The following ASH2L variants were observed in gnomAD, a reference collection of about 807,000 sequenced individuals.
ASH2L encodes the protein set1/Ash2 histone methyltransferase complex subunit ASH2.
ASH2L carries 30 observed loss-of-function variants against 81.1 expected under a neutral mutation model. That is an observed-to-expected ratio of 0.37 (90% CI 0.28 to 0.50). The LOEUF (loss-of-function observed/expected upper bound fraction) is 0.50. Ranked by LOEUF, ASH2L falls within the 20% of genes least tolerant of loss-of-function variation. The pLI is 0.95. For missense variants in ASH2L, 559 were observed against 792.1 expected (o/e 0.71, Z 3.53); for synonymous variants, 273 against 279.9 (o/e 0.98, Z 0.24).
intron 10 of ASH2L, among the ~76,000 whole-genome samples, chr8:38,126,154 G>C (rs1230885113): frequency 6.6e-6 from 1 of 151,816 alleles, no homozygotes; most frequent in Non-Finnish European, 1.5e-5. Flanking sequence ...AGTGAGCCGA[G>C]GTTGCACCAT....
rs1399747104 is a variant in ASH2L, at chr8:38,139,346, C to T, written c.*275C>T. On this transcript the variant is annotated 3_prime_UTR_variant, in exon 16 of 16. Coordinates refer to ENST00000343823, the MANE Select transcript of ASH2L (RefSeq NM_004674.5). ...TGTGAAATCGGTGCTGTACTGCATA[C>T]CCTGCCAGCTGTGACTTGTTATCCT... 1 of 313,778 alleles carries T rather than the reference C, an allele frequency of 3.2e-6. No homozygotes were observed. The highest frequency in any genetic ancestry group is 5.9e-6 in the Non-Finnish European group (1 of 170,736). The allele number at this position is 313,778 out of a possible 1,614,324, so 19.4% of individuals were successfully genotyped here. A position where few individuals can be genotyped will look rare whatever the true frequency, so the allele number is the denominator to read the frequency against.
rs1802141004 is a variant in ASH2L, at chr8:38,133,447, T to G, written c.1528-7T>G. 1 of 1,597,826 alleles carries G rather than the reference T, an allele frequency of 6.3e-7. No homozygotes were observed. Reference sequence around the variant, plus strand: ...ATTGTGCCTTTTTTTCTTTCTTGGTTTTCAAGGCTTTGATAAAATTCAAGA... The same window carrying G: ...ATTGTGCCTTTTTTTCTTTCTTGGTGTTCAAGGCTTTGATAAAATTCAAGA... On this transcript the variant is annotated splice_region_variant and splice_polypyrimidine_tract_variant and intron_variant, in intron 12 of 15. Coordinates refer to ENST00000343823, the MANE Select transcript of ASH2L (RefSeq NM_004674.5).
chr8:38,122,024 T>G (rs1359023400), intron 10 of ASH2L, among the ~76,000 whole-genome samples: 1 of 152,244 alleles, frequency 6.6e-6, no homozygotes, highest in African/African-American at 2.4e-5. Context: ...GCAACAATTA[T>G]GACTGTGTTG....
chr8:38,119,234 G>A, intron 8 of ASH2L, 36 bp from the exon 9 acceptor site: 1 of 1,534,494 alleles, frequency 6.5e-7, no homozygotes, highest in Non-Finnish European at 8.8e-7. Context: ...TGTTTCCCTT[G>A]TGGCTCATTG....
At chr8:38,137,105 AG>A (rs1563263843) in intron 14 of ASH2L, among the ~76,000 whole-genome samples, 1 of 148,850 alleles carries the variant, frequency 6.7e-6, no homozygotes, top group Non-Finnish European at 1.5e-5. Flanking sequence ...AAAAAAAAAA[AG>A]GGCGGGGGTG....
At position 38,139,747 on chromosome 8, in the gene ASH2L, AG is replaced by A. The variant is rs1249092120; in HGVS notation, c.*677del. On this transcript the variant is annotated 3_prime_UTR_variant, in exon 16 of 16. Coordinates refer to ENST00000343823, the MANE Select transcript of ASH2L (RefSeq NM_004674.5). ...TTCAGATTGGGTGCCTCTTGGTGACAGTGTTCAGAAATGTAAGCAGCACGAG... is the reference window on the plus strand; with the variant it reads ...TTCAGATTGGGTGCCTCTTGGTGACATGTTCAGAAATGTAAGCAGCACGAG... 1 of 152,102 alleles carries A rather than the reference AG, an allele frequency of 6.6e-6. No homozygotes were observed. Among genetic ancestry groups the A allele is most frequent in the Non-Finnish European group, 1.5e-5 (1 of 68,000 alleles). The allele number at this position is 152,102 out of a possible 1,614,324, so 9.4% of individuals were successfully genotyped here. A position where few individuals can be genotyped will look rare whatever the true frequency, so the allele number is the denominator to read the frequency against.
intron 12 of ASH2L, among the ~76,000 whole-genome samples, chr8:38,130,055 T>G (rs551736088): frequency 6.6e-6 from 1 of 152,284 alleles, no homozygotes; most frequent in Admixed American, 6.5e-5. Context: ...TCAACTTAAT[T>G]TTAGCCATTT....
intron 14 of ASH2L, among the ~76,000 whole-genome samples, chr8:38,137,268 C>T (rs182673732): frequency 0.012 from 1,729 of 149,738 alleles, 20 homozygotes; most frequent in Non-Finnish European, 0.015. Flanking sequence ...GGGCATCGGC[C>T]GGGTGTGGCG....
Position 38,107,177 on chromosome 8 carries a change from T to C in ASH2L, c.401+11T>C. On this transcript the variant is annotated intron_variant, in intron 3 of 15. Coordinates refer to ENST00000343823, the MANE Select transcript of ASH2L (RefSeq NM_004674.5). ...TGGCATAGATACCTCGTGAGTACTT[T>C]TCATAGTTTTTGTGAGAATTGCTCG... The C allele has an allele frequency of 1.9e-6, 3 of 1,612,430 alleles. No individual in the cohort carries two copies. Among genetic ancestry groups the C allele is most frequent in the Non-Finnish European group, 2.5e-6 (3 of 1,178,496 alleles).
At position 38,114,395 on chromosome 8, in the gene ASH2L, T is replaced by C. The variant is rs181937745; in HGVS notation, c.681+108T>C. ...AAATGATAAAATTAGAACAACTTAA[T>C]GTTAAATCTTTGAGTGTGAGATACA... On this transcript the variant is annotated intron_variant, in intron 6 of 15. Transcript: ENST00000343823. The C allele has an allele frequency of 4.2e-4, 309 of 738,746 alleles. No homozygotes were observed. In the African/African-American group the frequency reaches 4.6e-3, roughly 11 times the overall value. The allele number at this position is 738,746 out of a possible 1,614,324, so 45.8% of individuals were successfully genotyped here. A position where few individuals can be genotyped will look rare whatever the true frequency, so the allele number is the denominator to read the frequency against.
At chr8:38,117,434 C>G (rs1377942819) in intron 8 of ASH2L, 17 of 984,916 alleles carry the variant, frequency 1.7e-5, no homozygotes, top group Non-Finnish European at 1.7e-5. Context: ...ATACATGGTG[C>G]CACTTCTGTT....
chr8:38,106,853 A>G (rs1483654904), intron 2 of ASH2L, among the ~76,000 whole-genome samples, 168 bp from the exon 3 acceptor site: 3 of 149,204 alleles, frequency 2.0e-5, no homozygotes, highest in Non-Finnish European at 4.5e-5. Context: ...CATTCAGGCC[A>G]GGCACGGTGG....
intron 13 of ASH2L, among the ~76,000 whole-genome samples, chr8:38,134,909 G>C (rs956536271): frequency 6.6e-6 from 1 of 152,108 alleles, no homozygotes; most frequent in African/African-American, 2.4e-5. Context: ...AGGAACATGA[G>C]GATTCAGAGA....
At chr8:38,134,093 T>C (rs574824410) in intron 13 of ASH2L, among the ~76,000 whole-genome samples, 116 of 152,308 alleles carry the variant, frequency 7.6e-4, no homozygotes, top group East Asian at 1.4e-3. Flanking sequence ...TGGTGCAAGA[T>C]GTGCTTTGTT....
rs577189197 is a variant in ASH2L at position 38,133,162 on chromosome 8, T to G, written c.1528-292T>G. On this transcript the variant is annotated intron_variant, in intron 12 of 15. Transcript: ENST00000343823. ...TTCAGTGAGATTATTGGAAAAGATG[T>G]GTGAATTTAGCCACTTTTATGGGTA... 1.0e-3 allele frequency among the ~76,000 whole-genome samples: 159 copies of G among 152,286 alleles called. 1 individual carries two copies. Among genetic ancestry groups the G allele is most frequent in the African/African-American group, 3.6e-3 (149 of 41,560 alleles).
At chr8:38,128,257 G>A (rs375532995) in intron 10 of ASH2L, 34 bp from the exon 11 acceptor site, 263 of 1,611,994 alleles carry the variant, frequency 1.6e-4, no homozygotes, top group Non-Finnish European at 2.0e-4. Flanking sequence ...CCTCAAATAA[G>A]TTGCAGGCCT....
intron 8 of ASH2L, among the ~76,000 whole-genome samples, chr8:38,117,994 G>A (rs1253916801): frequency 6.6e-6 from 1 of 152,174 alleles, no homozygotes; most frequent in Non-Finnish European, 1.5e-5. Flanking sequence ...AGGAGGCAGA[G>A]GTTGCAGTGA....
chr8:38,122,330 C>G (rs1801661085), intron 10 of ASH2L: 1 of 152,112 alleles, frequency 6.6e-6, no homozygotes, highest in South Asian at 2.1e-4. Flanking sequence ...TCACCGAGCC[C>G]TGGTTCCTTT....
In ASH2L at chr8:38,120,945, T is replaced by C; in HGVS notation, c.961T>C (p.Ser321Pro). ...TCCTTTCTGCAGTGACCCTTTGTTT[T>C]CTGCTCAGCGCCTTCCCCCTCATGG... ...TKKARSDPLFSAQRLPPHGYP... is the reference protein window; with the variant it reads ...TKKARSDPLFPAQRLPPHGYP... The change falls in exon 10 of 16, where the codon TCT (serine) becomes CCT (proline). Residue 321 changes from serine (S) to proline (P), a missense_variant. Transcript: ENST00000343823. 1 of 1,613,732 alleles carries C rather than the reference T, an allele frequency of 6.2e-7. No homozygotes were observed.
Sources: gnomAD v4.1 joint callset for allele counts (sites outside exome capture counted in the v4.1 genomes callset) on GRCh38, gnomAD v4.1.1 for gene constraint, MANE v1.5 for transcripts, NCBI Gene and HGNC (gene_info 2026-07-23, HGNC 2026-07-21) for gene names.